ATL3: variants seen among roughly 807,000 people sequenced by gnomAD.
The protein encoded by ATL3 is atlastin GTPase 3.
A neutral mutation model predicts 69.5 loss-of-function variants in ATL3; 49 were observed. That is an observed-to-expected ratio of 0.71 (90% CI 0.56 to 0.89). ATL3 has a LOEUF of 0.89. ATL3 is among the 40% of genes least tolerant of loss of function. The probability of loss-of-function intolerance (pLI) is 0.00; values close to 1 mark genes in which losing one functional copy is unlikely to be tolerated. For synonymous variants in ATL3, 214 were observed against 224.1 expected (o/e 0.95, Z 0.40); for missense variants, 606 against 645.7 (o/e 0.94, Z 0.67).
At chr11:63,661,603 C>T (rs943243654) in intron 1 of ATL3, among the ~76,000 whole-genome samples, 1 of 151,900 alleles carries the variant, frequency 6.6e-6, no homozygotes, top group African/African-American at 2.4e-5. Flanking sequence ...GAAGAGAAGG[C>T]AAGGGGCCGG....
chr11:63,655,465 T>C (rs1590739037), intron 3 of ATL3, among the ~76,000 whole-genome samples: 1 of 147,240 alleles, frequency 6.8e-6, no homozygotes. Flanking sequence ...TTTTTTTTTT[T>C]AGATGGAGTT....
At chr11:63,666,484 C>G (rs1940575859) in intron 1 of ATL3, among the ~76,000 whole-genome samples, 1 of 152,144 alleles carries the variant, frequency 6.6e-6, no homozygotes, top group Admixed American at 6.5e-5. Flanking sequence ...ACACAAGTTC[C>G]TGTTCCAGCC....
rs1489692346 is a variant in ATL3 at position 63,625,025 on chromosome 11, T to A, written c.*4294A>T. The A allele has an allele frequency of 3.3e-5, 5 of 152,146 alleles. No homozygotes were observed. The highest frequency in any genetic ancestry group is 1.2e-4 in the African/African-American group (5 of 41,410). 9.4% of individuals were successfully genotyped at this position (152,146 alleles called of 1,614,324 possible). A position where few individuals can be genotyped will look rare whatever the true frequency, so the allele number is the denominator to read the frequency against. On this transcript the variant is annotated 3_prime_UTR_variant, in exon 13 of 13. Transcript: ENST00000398868. ...CAATCCCTGGGTACAAAGCTAGGAA[T>A]CTGAACTTTTTAAACAAGCCTGCTA... is the stretch of plus-strand genomic sequence containing the variant.
chr11:63,629,642 T>C (rs1180201516), intron 12 of ATL3, among the ~76,000 whole-genome samples: 1 of 152,194 alleles, frequency 6.6e-6, no homozygotes, highest in African/African-American at 2.4e-5. Context: ...CACAAGCTGC[T>C]AACCCAACTC....
intron 8 of ATL3, among the ~76,000 whole-genome samples, chr11:63,638,913 T>C (rs1016284731): frequency 6.6e-6 from 1 of 152,138 alleles, no homozygotes; most frequent in African/African-American, 2.4e-5. Context: ...TTTGCAGAAA[T>C]AGTTTCAGAA....
chr11:63,671,546 G>A (rs1940784325), upstream of ATL3: 5 of 1,427,698 alleles, frequency 3.5e-6, no homozygotes, highest in Non-Finnish European at 2.7e-6. Context: ...GCGAGCGCAG[G>A]ACGAGGCTAG....
chr11:63,647,489 A>G (rs916289812), intron 5 of ATL3, among the ~76,000 whole-genome samples: 3 of 152,300 alleles, frequency 2.0e-5, no homozygotes, highest in Admixed American at 6.5e-5. Flanking sequence ...CACCACACCC[A>G]GTCTTAAAAG....
chr11:63,654,440 C>G (rs1320797268), intron 3 of ATL3, among the ~76,000 whole-genome samples: 2 of 152,006 alleles, frequency 1.3e-5, no homozygotes, highest in Non-Finnish European at 2.9e-5. Flanking sequence ...CTCTGTTGCC[C>G]AGGTTGGAGT....
At chr11:63,669,489 C>G (rs1415957489) in intron 1 of ATL3, among the ~76,000 whole-genome samples, 1 of 150,078 alleles carries the variant, frequency 6.7e-6, no homozygotes, top group Non-Finnish European at 1.5e-5. Context: ...GAGCAGAGAT[C>G]GCGCCATTGC....
At chr11:63,665,028 G>T (rs1485734584) in intron 1 of ATL3, among the ~76,000 whole-genome samples, 1 of 152,206 alleles carries the variant, frequency 6.6e-6, no homozygotes, top group Non-Finnish European at 1.5e-5. Context: ...GTGGTTACAA[G>T]ATGGGGTAAT....
chr11:63,671,481 G>C, upstream of ATL3: 2 of 1,464,542 alleles, frequency 1.4e-6, no homozygotes, highest in Non-Finnish European at 1.8e-6. Context: ...ACGCGGAGCC[G>C]CGACGGAGCG....
intron 1 of ATL3, among the ~76,000 whole-genome samples, chr11:63,661,091 C>T (rs1217447455): frequency 2.6e-5 from 4 of 151,334 alleles, no homozygotes. Flanking sequence ...TGCGTGGTGT[C>T]GCACGCCTGT....
intron 3 of ATL3, 114 bp from the exon 4 acceptor site, chr11:63,652,689 A>C: frequency 1.6e-6 from 1 of 630,786 alleles, no homozygotes; most frequent in East Asian, 2.9e-5. Flanking sequence ...TGTTTATGTG[A>C]GCCTTAAGCA....
chr11:63,634,795 A>G (rs1939461551), intron 10 of ATL3, among the ~76,000 whole-genome samples: 1 of 152,146 alleles, frequency 6.6e-6, no homozygotes, highest in African/African-American at 2.4e-5. Context: ...TGAGGCAGGC[A>G]CATCGCTTGA....
At position 63,652,058 on chromosome 11, in the gene ATL3, T is replaced by A. The variant is rs1005931530; in HGVS notation, c.511-72A>T. The A allele has an allele frequency of 1.0e-5, 16 of 1,544,826 alleles. No individual in the cohort carries two copies. The Middle Eastern group carries it at 5.6e-4, about 54-fold the overall frequency. On this transcript the variant is annotated intron_variant, in intron 4 of 12. Coordinates refer to ENST00000398868, the MANE Select transcript of ATL3 (RefSeq NM_015459.5). Reference sequence around the variant, plus strand: ...CAAATCCCAAATAAGCCTAAAGGGCTGACAGAAGCTTTGAACAATTAAAGA... The same window carrying A: ...CAAATCCCAAATAAGCCTAAAGGGCAGACAGAAGCTTTGAACAATTAAAGA...
intron 8 of ATL3, among the ~76,000 whole-genome samples, chr11:63,637,109 T>C (rs1242964528): frequency 6.6e-6 from 1 of 152,042 alleles, no homozygotes; most frequent in Non-Finnish European, 1.5e-5. Context: ...AAACCCCGTC[T>C]CTACTAAACA....
intron 1 of ATL3, among the ~76,000 whole-genome samples, chr11:63,669,512 G>A (rs550176988): frequency 2.3e-4 from 35 of 151,882 alleles, no homozygotes; most frequent in South Asian, 4.2e-4. Context: ...TCCACCCTGG[G>A]CGAGAGAGCA....
At chr11:63,666,541 T>G (rs1402880385) in intron 1 of ATL3, among the ~76,000 whole-genome samples, 1 of 151,994 alleles carries the variant, frequency 6.6e-6, no homozygotes, top group Non-Finnish European at 1.5e-5. Flanking sequence ...AGTTTTCAGT[T>G]TCATCACTAA....
chr11:63,635,328 T>C (rs1394862498), intron 10 of ATL3, among the ~76,000 whole-genome samples: 2 of 152,072 alleles, frequency 1.3e-5, no homozygotes, highest in African/African-American at 2.4e-5. Flanking sequence ...GGCCATTTCG[T>C]TTTAACTGTA....
Sources: gnomAD v4.1 joint callset for allele counts (sites outside exome capture counted in the v4.1 genomes callset) on GRCh38, gnomAD v4.1.1 for gene constraint, MANE v1.5 for transcripts, NCBI Gene and HGNC (gene_info 2026-07-23, HGNC 2026-07-21) for gene names.